Variants in PLCB4 observed in about 807,000 individuals in gnomAD.
The protein encoded by PLCB4 is 1-phosphatidylinositol 4,5-bisphosphate phosphodiesterase beta-4.
A neutral mutation model predicts 178.8 loss-of-function variants in PLCB4; 77 were observed. That is an observed-to-expected ratio of 0.43 (90% confidence interval 0.36 to 0.52). The LOEUF is 0.52. Among genes scored for constraint, PLCB4 ranks in the 20% least tolerant of loss-of-function variants. The probability of loss-of-function intolerance (pLI) is 0.00; values close to 1 mark genes in which losing one functional copy is unlikely to be tolerated. For missense variants in PLCB4, 1,024 were observed against 1,453.4 expected, an observed-to-expected ratio of 0.70 and a Z score of 4.80; for synonymous variants, 496 against 490.8, an observed-to-expected ratio of 1.01 and a Z score of -0.14.
chr20:9,192,473 G>C (rs955707334), intron 2 of PLCB4, among the ~76,000 whole-genome samples: 5 of 151,668 alleles, frequency 3.3e-5, no homozygotes, highest in Admixed American at 3.3e-4. Flanking sequence ...GAAAGGTCCT[G>C]CCTGTGTTTT....
chr20:9,385,939 C>T lies in PLCB4; in HGVS notation c.1065-1524C>T, dbSNP rs557623497. ...TGGAGGTTGTGGCGAGCCGAGATCA[C>T]GCCACTACACTCCAGCCTGGGCAAC... On this transcript the variant is annotated intron_variant, in intron 14 of 39. Coordinates refer to ENST00000378473, the MANE Select transcript of PLCB4 (RefSeq NM_001377142.1). Among the ~76,000 whole-genome samples, 1,098 of 152,102 alleles carry T rather than the reference C, an allele frequency of 7.2e-3. 13 individuals carry two copies. Among genetic ancestry groups the T allele is most frequent in the African/African-American group, 0.025 (1,033 of 41,476 alleles).
In PLCB4 at chr20:9,411,104, T is replaced by A; in HGVS notation, c.2051+16T>A. 6.3e-7 allele frequency: 1 copy of A among 1,575,476 alleles called. No individual in the cohort carries two copies. The highest frequency in any genetic ancestry group is 8.7e-7 in the Non-Finnish European group (1 of 1,145,860). On this transcript the variant is annotated intron_variant, in intron 25 of 39. Coordinates refer to ENST00000378473, the MANE Select transcript of PLCB4 (RefSeq NM_001377142.1). Reference sequence around the variant, plus strand: ...GATCGTGCGGGTGAGTAATATGATTTAAACTGTTTTCACCTAGATTGAGAA... The same window carrying A: ...GATCGTGCGGGTGAGTAATATGATTAAAACTGTTTTCACCTAGATTGAGAA...
intron 35 of PLCB4, among the ~76,000 whole-genome samples, chr20:9,465,694 A>G (rs2043727661): frequency 1.3e-5 from 2 of 152,214 alleles, no homozygotes; most frequent in Admixed American, 1.3e-4. Flanking sequence ...TTTGCTACAA[A>G]GAGAATAAAA....
intron 3 of PLCB4, among the ~76,000 whole-genome samples, chr20:9,253,409 T>A (rs955698679): frequency 1.3e-5 from 2 of 152,192 alleles, no homozygotes; most frequent in African/African-American, 4.8e-5. Context: ...GTAGGGCTCC[T>A]GCTCTGTGCT....
intron 18 of PLCB4, 42 bp downstream of exon 18, chr20:9,393,720 A>C: frequency 4.1e-6 from 5 of 1,209,064 alleles, no homozygotes; most frequent in Non-Finnish European, 6.1e-6. Context: ...CATACATAAC[A>C]TGTGTGGACA....
chr20:9,301,593 G>A (rs2094704308), intron 3 of PLCB4, among the ~76,000 whole-genome samples: 1 of 152,066 alleles, frequency 6.6e-6, no homozygotes, highest in Non-Finnish European at 1.5e-5. Flanking sequence ...TCTCTTCCTT[G>A]GTTCACCCCA....
chr20:9,080,452 A>G (rs2090090446), intron 1 of PLCB4, among the ~76,000 whole-genome samples: 1 of 152,212 alleles, frequency 6.6e-6, no homozygotes, highest in African/African-American at 2.4e-5. Flanking sequence ...TCACTCTGGA[A>G]AAATCATATC....
At chr20:9,351,567 C>A (rs1428122674) in intron 7 of PLCB4, among the ~76,000 whole-genome samples, 1 of 152,126 alleles carries the variant, frequency 6.6e-6, no homozygotes, top group Non-Finnish European at 1.5e-5. Flanking sequence ...CACTTGTCTT[C>A]ACTCCTCACT....
At chr20:9,370,668 G>A (rs1297615784) in intron 9 of PLCB4, among the ~76,000 whole-genome samples, 1 of 152,114 alleles carries the variant, frequency 6.6e-6, no homozygotes, top group Non-Finnish European at 1.5e-5. Flanking sequence ...AGCACTTTGG[G>A]AGGCCGAGGT....
chr20:9,107,558 A>G (rs900014788), intron 2 of PLCB4, among the ~76,000 whole-genome samples: 1 of 152,096 alleles, frequency 6.6e-6, no homozygotes, highest in African/African-American at 2.4e-5. Flanking sequence ...GCAAATGCCA[A>G]TGCCATAAGG....
intron 2 of PLCB4, among the ~76,000 whole-genome samples, chr20:9,120,501 T>C (rs2091924686): frequency 6.6e-6 from 1 of 152,080 alleles, no homozygotes; most frequent in East Asian, 1.9e-4. Context: ...TCCCCTTCTC[T>C]CTCTTTATAG....
intron 9 of PLCB4, among the ~76,000 whole-genome samples, chr20:9,370,481 G>A (rs184302951): frequency 3.2e-4 from 49 of 152,274 alleles, no homozygotes; most frequent in Non-Finnish European, 6.3e-4. Context: ...GTAAGGGGCC[G>A]CCTCCTTTTC....
At chr20:9,395,410 G>C (rs1188273635) in intron 18 of PLCB4, 113 bp from the exon 19 acceptor site, 1 of 718,734 alleles carries the variant, frequency 1.4e-6, no homozygotes, top group African/African-American at 1.7e-5. Context: ...CTTGGTGCCT[G>C]AACATTCTAT....
intron 3 of PLCB4, among the ~76,000 whole-genome samples, chr20:9,289,492 G>A (rs187244906): frequency 6.6e-5 from 10 of 152,136 alleles, no homozygotes; most frequent in Admixed American, 6.5e-4. Flanking sequence ...TTGATGCTGA[G>A]GTTACCAGGA....
intron 13 of PLCB4, among the ~76,000 whole-genome samples, chr20:9,381,288 C>T (rs944904736): frequency 6.6e-6 from 1 of 152,136 alleles, no homozygotes; most frequent in Non-Finnish European, 1.5e-5. Context: ...TTCCCTGTGA[C>T]CTTGAGCTAG....
rs2093565003 is a variant in PLCB4, at chr20:9,202,926, C to CA, written c.-78-14457dup. Among the ~76,000 whole-genome samples, 3 of 150,684 alleles carry CA rather than the reference C, an allele frequency of 2.0e-5. No individual in the cohort carries two copies. In the South Asian group the frequency reaches 6.3e-4, roughly 32 times the overall value. On this transcript the variant is annotated intron_variant, in intron 2 of 39. Transcript: ENST00000378473. Reference sequence around the variant, plus strand: ...AAAAGTTTGCAGACTCCAGCTCCATCAAAAAAACAAAAACAAAAACCAGGT... The same window carrying CA: ...AAAAGTTTGCAGACTCCAGCTCCATCAAAAAAAACAAAAACAAAAACCAGGT...
chr20:9,383,521 A>AG (rs1231516097), intron 13 of PLCB4, among the ~76,000 whole-genome samples: 1 of 152,198 alleles, frequency 6.6e-6, no homozygotes, highest in Non-Finnish European at 1.5e-5. Flanking sequence ...TTGCTCCTGT[A>AG]GTTACCACGT....
chr20:9,463,909 C>G (rs965569413), intron 35 of PLCB4, among the ~76,000 whole-genome samples: 1 of 152,090 alleles, frequency 6.6e-6, no homozygotes, highest in East Asian at 1.9e-4. Flanking sequence ...GACTTGAACT[C>G]GGCTCTTCAC....
chr20:9,182,064 G>A (rs936456989), intron 2 of PLCB4, among the ~76,000 whole-genome samples: 17 of 152,174 alleles, frequency 1.1e-4, no homozygotes, highest in African/African-American at 4.1e-4. Context: ...TTTGTCCATA[G>A]CGTCTCACCT....
Sources: allele counts gnomAD v4.1 joint callset (sites outside exome capture counted in the v4.1 genomes callset), GRCh38; gene constraint gnomAD v4.1.1; transcripts MANE v1.5; gene names NCBI Gene and HGNC (gene_info 2026-07-23, HGNC 2026-07-21).